The following SCD5 variants were observed in gnomAD, a reference collection of about 807,000 sequenced individuals.
SCD5 encodes acyl-CoA-desaturase 4.
Under a neutral mutation model 30.4 loss-of-function variants are expected in SCD5, and 20 were observed. The observed-to-expected ratio is 0.66, with a 90% CI of 0.46 to 0.96. The LOEUF is 0.96. Ranked by LOEUF, SCD5 falls within the 40% of genes least tolerant of loss-of-function variation. SCD5 has a pLI of 0.00. For missense variants in SCD5, 381 were observed against 443.3 expected, an observed-to-expected ratio of 0.86 and a Z score of 1.26; for synonymous variants, 173 against 176.4, an observed-to-expected ratio of 0.98 and a Z score of 0.16.
At chr4:82,689,347 G>A (rs1023512091) in intron 2 of SCD5, among the ~76,000 whole-genome samples, 8 of 151,878 alleles carry the variant, frequency 5.3e-5, no homozygotes, top group Admixed American at 5.2e-4. Flanking sequence ...GACCAGCCTG[G>A]GCAACACAGC....
intron 1 of SCD5, among the ~76,000 whole-genome samples, chr4:82,712,292 ATATATT>A (rs1720123305): frequency 3.1e-5 from 1 of 32,582 alleles, no homozygotes; most frequent in Non-Finnish European, 5.6e-5. Flanking sequence ...ATATATATAT[ATATATT>A]TTATTTTTAT....
chr4:82,750,006 CTG>C (rs1194178003), intron 1 of SCD5, among the ~76,000 whole-genome samples: 1 of 152,188 alleles, frequency 6.6e-6, no homozygotes, highest in East Asian at 1.9e-4. Flanking sequence ...AGCTGTATAA[CTG>C]TAGCAAGTTA....
chr4:82,674,463 T>C (rs889037506), intron 3 of SCD5, among the ~76,000 whole-genome samples: 1 of 152,160 alleles, frequency 6.6e-6, no homozygotes, highest in Non-Finnish European at 1.5e-5. Flanking sequence ...ATCCAGAACA[T>C]AGACAACAAC....
intron 4 of SCD5, among the ~76,000 whole-genome samples, chr4:82,633,757 TTTG>T (rs1283955604): frequency 1.3e-5 from 2 of 152,374 alleles, no homozygotes; most frequent in African/African-American, 4.8e-5. Flanking sequence ...CATAAACAGC[TTTG>T]TTGAGATAAA....
At chr4:82,720,115 A>G (rs1425269920) in intron 1 of SCD5, among the ~76,000 whole-genome samples, 1 of 149,232 alleles carries the variant, frequency 6.7e-6, no homozygotes, top group East Asian at 1.9e-4. Flanking sequence ...TACATCATTC[A>G]TGACTTGGAA....
intron 1 of SCD5, among the ~76,000 whole-genome samples, chr4:82,719,534 C>CTT (rs1720313710): frequency 8.2e-5 from 12 of 146,188 alleles, no homozygotes; most frequent in Admixed American, 5.5e-4. Flanking sequence ...GACGGAGCGT[C>CTT]GCTCTGTCGC....
chr4:82,663,639 G>C (rs562709573), intron 3 of SCD5, among the ~76,000 whole-genome samples: 1 of 152,194 alleles, frequency 6.6e-6, no homozygotes, highest in African/African-American at 2.4e-5. Flanking sequence ...CATGCTTACC[G>C]TTCCAATAAT....
intron 1 of SCD5, among the ~76,000 whole-genome samples, chr4:82,782,474 A>G (rs1174625484): frequency 6.6e-6 from 1 of 152,024 alleles, no homozygotes; most frequent in Non-Finnish European, 1.5e-5. Context: ...TAGTCCTCAC[A>G]CCAATCCTAG....
chr4:82,797,085 G>A (rs1722241291), intron 1 of SCD5, among the ~76,000 whole-genome samples: 1 of 152,166 alleles, frequency 6.6e-6, no homozygotes, highest in Admixed American at 6.5e-5. Flanking sequence ...TTACTTCCAA[G>A]AGCAGGGACT....
In SCD5 at chr4:82,795,123, TC is replaced by T. The variant is rs139646994; in HGVS notation, c.232+3182del. Among the ~76,000 whole-genome samples, 495 of 152,334 alleles carry T rather than the reference TC, an allele frequency of 3.2e-3. 2 individuals carry two copies. The highest frequency in any genetic ancestry group is 5.4e-3 in the Non-Finnish European group (365 of 68,028). On this transcript the variant is annotated intron_variant, in intron 1 of 4. Coordinates refer to ENST00000319540, the MANE Select transcript of SCD5 (RefSeq NM_001037582.3). ...ATGAACTAACAATTTGATGGCTCTT[TC>T]ACGGATGACATTTTACCACCACACA...
chr4:82,664,999 C>CTCTCTATATATATATATATA (rs1219554314), intron 3 of SCD5, among the ~76,000 whole-genome samples: 1 of 70,494 alleles, frequency 1.4e-5, no homozygotes, highest in Admixed American at 1.7e-4. Flanking sequence ...CTCTCTCTCT[C>CTCTCTATATATATATATATA]TATATATATA....
intron 1 of SCD5, among the ~76,000 whole-genome samples, chr4:82,796,492 G>A (rs946262559): frequency 6.6e-6 from 1 of 152,136 alleles, no homozygotes; most frequent in Non-Finnish European, 1.5e-5. Flanking sequence ...AGAGCGGTCC[G>A]GAAAGGGCAG....
Position 82,798,421 on chromosome 4 carries a change from G to C in SCD5, c.117C>G (p.Arg39=), listed in dbSNP as rs1722277304. The C allele has an allele frequency of 1.2e-6, 2 of 1,613,196 alleles. No individual in the cohort carries two copies. Among genetic ancestry groups the C allele is most frequent in the Non-Finnish European group, 1.7e-6 (2 of 1,179,628 alleles). The change falls in exon 1 of 5, where the codon CGC becomes CGG. Residue 39 remains arginine (R), a synonymous_variant. Transcript: ENST00000319540. ...GGGGPERPGA[R]GQRQNIVWRN... ...TCCAGACGATGTTCTGCCGCTGCCC[G>C]CGCGCGCCTGGCCTCTCCGGGCCGC...
intron 2 of SCD5, among the ~76,000 whole-genome samples, chr4:82,697,758 CTCTT>C (rs1278979025): frequency 6.6e-6 from 1 of 152,248 alleles, no homozygotes; most frequent in African/African-American, 2.4e-5. Context: ...CTTTCTCTCT[CTCTT>C]TCTTGCTCTC....
chr4:82,693,208 G>A (rs1419180970), intron 2 of SCD5, among the ~76,000 whole-genome samples: 2 of 152,208 alleles, frequency 1.3e-5, no homozygotes, highest in Non-Finnish European at 2.9e-5. Context: ...TGCAGAATGA[G>A]TGCCTCCTGA....
intron 1 of SCD5, among the ~76,000 whole-genome samples, chr4:82,796,153 C>A (rs984695952): frequency 2.0e-5 from 3 of 151,778 alleles, no homozygotes; most frequent in Non-Finnish European, 4.4e-5. Context: ...ACCTGTAATC[C>A]CAACTACTTG....
intron 1 of SCD5, among the ~76,000 whole-genome samples, chr4:82,745,046 G>A (rs1720952714): frequency 6.6e-6 from 1 of 152,180 alleles, no homozygotes; most frequent in Admixed American, 6.5e-5. Flanking sequence ...GCTAAGTGCT[G>A]TAGTCATTTA....
intron 3 of SCD5, among the ~76,000 whole-genome samples, chr4:82,646,100 C>T (rs961968701): frequency 7.9e-5 from 12 of 152,106 alleles, no homozygotes; most frequent in South Asian, 4.1e-4. Context: ...AACACCACAA[C>T]GGGTGAGAAA....
rs532964219 is a variant in SCD5 at position 82,632,628 on chromosome 4, G to T, written c.803-1111C>A. 4.6e-5 allele frequency among the ~76,000 whole-genome samples: 7 copies of T among 152,252 alleles called. No homozygotes were observed. The South Asian group carries it at 1.5e-3, about 32-fold the overall frequency. ...AATTGCCACACTGTCTTCCACAATG[G>T]TTGAACTAGTTTATAGTCCCACCAA... On this transcript the variant is annotated intron_variant, in intron 4 of 4. Coordinates refer to ENST00000319540, the MANE Select transcript of SCD5 (RefSeq NM_001037582.3).
Sources: gnomAD v4.1 joint callset for allele counts (sites outside exome capture counted in the v4.1 genomes callset) on GRCh38, gnomAD v4.1.1 for gene constraint, MANE v1.5 for transcripts, NCBI Gene and HGNC (gene_info 2026-07-23, HGNC 2026-07-21) for gene names.